CADPS: variants seen among roughly 807,000 people sequenced by gnomAD.
CADPS encodes the protein calcium-dependent secretion activator 1.
In CADPS, 57 loss-of-function variants were observed where a neutral mutation model predicts 167.3. The observed-to-expected ratio is 0.34, with a 90% CI of 0.28 to 0.42. The LOEUF is 0.42. Ranked by LOEUF, CADPS falls within the 20% of genes least tolerant of loss-of-function variation. The pLI is 1.00. For missense variants in CADPS, 1,414 were observed against 1,738.1 expected (o/e 0.81, Z 3.32); for synonymous variants, 676 against 635.3 (o/e 1.06, Z -0.96).
At chr3:62,821,199 T>A (rs1459920966) in intron 1 of CADPS, among the ~76,000 whole-genome samples, 1 of 152,168 alleles carries the variant, frequency 6.6e-6, no homozygotes, top group Admixed American at 6.5e-5. Flanking sequence ...TATTGTTACA[T>A]AACAAATAGC....
intron 6 of CADPS, among the ~76,000 whole-genome samples, chr3:62,632,121 T>C (rs376765542): frequency 1.3e-4 from 20 of 152,294 alleles, no homozygotes; most frequent in East Asian, 9.7e-4. Flanking sequence ...AAAGGAACAA[T>C]CATATATGAG....
At chr3:62,503,135 T>G (rs145461997) in intron 17 of CADPS, among the ~76,000 whole-genome samples, 1 of 150,970 alleles carries the variant, frequency 6.6e-6, no homozygotes, top group East Asian at 2.0e-4. Context: ...ACATGAATGA[T>G]GGCAGCAGCA....
Position 62,874,862 on chromosome 3 carries a change from TCCGGCG to T in CADPS, c.162_167del (p.Ala57_Gly58del), listed in dbSNP as rs1429458535. ...CGCCGCCGCCTGCACCCACCCCGGC[TCCGGCG>T]CCGGCGCCGCCGCCCCCCAGCCCGG... On this transcript the variant is annotated inframe_deletion, in exon 1 of 30. Coordinates refer to ENST00000383710, the MANE Select transcript of CADPS (RefSeq NM_003716.4). The surrounding 1 kb of genome is among the most constrained non-coding windows in gnomAD (Gnocchi z 7.1). 15 of 1,099,034 alleles carry T rather than the reference TCCGGCG, an allele frequency of 1.4e-5. No individual in the cohort carries two copies. Among genetic ancestry groups the T allele is most frequent in the African/African-American group, 1.7e-5 (1 of 58,898 alleles). The allele number at this position is 1,099,034 out of a possible 1,614,324, so 68.1% of individuals were successfully genotyped here.
At chr3:62,591,250 A>G (rs112942107) in intron 7 of CADPS, among the ~76,000 whole-genome samples, 4,164 of 152,292 alleles carry the variant, frequency 0.027, 192 homozygotes, top group African/African-American at 0.095. Flanking sequence ...GAGATTTTAC[A>G]GTCCAGTGGG....
intron 21 of CADPS, among the ~76,000 whole-genome samples, chr3:62,488,364 C>A (rs1405230318): frequency 1.3e-5 from 2 of 152,176 alleles, no homozygotes; most frequent in African/African-American, 4.8e-5. Flanking sequence ...TTTTACACTC[C>A]ATTTTATTCC....
At chr3:62,408,956 TACACCCA>T (rs2048421131) in intron 28 of CADPS, among the ~76,000 whole-genome samples, 8 of 152,262 alleles carry the variant, frequency 5.3e-5, no homozygotes, top group Non-Finnish European at 1.2e-4. Flanking sequence ...ATTCCTAATA[TACACCCA>T]TATGCACTCA....
intron 1 of CADPS, among the ~76,000 whole-genome samples, chr3:62,769,459 T>C (rs1436267441): frequency 1.3e-5 from 2 of 152,256 alleles, no homozygotes; most frequent in East Asian, 3.9e-4. Flanking sequence ...CTCGAACTCC[T>C]GACTTCAGGT....
At chr3:62,648,659 T>G (rs2069164551) in intron 5 of CADPS, among the ~76,000 whole-genome samples, 1 of 105,146 alleles carries the variant, frequency 9.5e-6, no homozygotes, top group Non-Finnish European at 1.8e-5. Context: ...ACCACTGCAC[T>G]CTAGCCTGGG....
intron 12 of CADPS, among the ~76,000 whole-genome samples, chr3:62,534,192 C>T (rs1373075529): frequency 6.6e-6 from 1 of 152,138 alleles, no homozygotes; most frequent in East Asian, 1.9e-4. Context: ...AAATTTGGGG[C>T]TATTTTAAAT....
chr3:62,591,236 C>T (rs759760839), intron 7 of CADPS, among the ~76,000 whole-genome samples: 7 of 152,060 alleles, frequency 4.6e-5, no homozygotes, highest in East Asian at 3.9e-4. Context: ...TTTCTGTCTC[C>T]GTGGAGATTT....
chr3:62,787,945 G>C (rs2092612536), intron 1 of CADPS, among the ~76,000 whole-genome samples: 1 of 152,130 alleles, frequency 6.6e-6, no homozygotes, highest in South Asian at 2.1e-4. Flanking sequence ...ATGAAATCAA[G>C]CTGTCTAGTC....
At position 62,399,709 on chromosome 3, in the gene CADPS, T is replaced by A; in HGVS notation, c.3883-124A>T. Reference sequence around the variant, plus strand: ...GCTAAATATCACACTTTATGCATTGTCAAATAAAAAGCCACTGTGCTTAGA... The same window carrying A: ...GCTAAATATCACACTTTATGCATTGACAAATAAAAAGCCACTGTGCTTAGA... On this transcript the variant is annotated intron_variant, in intron 29 of 29. Coordinates refer to ENST00000383710, the MANE Select transcript of CADPS (RefSeq NM_003716.4). This position sits in a 1 kb window ranked among gnomAD's most constrained non-coding sequence, Gnocchi z 5.6. The A allele has an allele frequency of 2.8e-6, 2 of 708,398 alleles. No individual in the cohort carries two copies. Among genetic ancestry groups the A allele is most frequent in the Non-Finnish European group, 2.4e-6 (1 of 422,942 alleles). 43.9% of individuals were successfully genotyped at this position (708,398 alleles called of 1,614,324 possible).
At chr3:62,621,168 C>T (rs2063110416) in intron 6 of CADPS, among the ~76,000 whole-genome samples, 1 of 152,192 alleles carries the variant, frequency 6.6e-6, no homozygotes, top group African/African-American at 2.4e-5. Context: ...CCGCAGATTG[C>T]TCTGTGAAGT....
chr3:62,778,187 AT>A (rs2090775181), intron 1 of CADPS, among the ~76,000 whole-genome samples: 1 of 152,178 alleles, frequency 6.6e-6, no homozygotes, highest in Non-Finnish European at 1.5e-5. Context: ...TGGACAAACT[AT>A]ATATTTCACG....
chr3:62,826,016 T>C (rs769067152), intron 1 of CADPS, among the ~76,000 whole-genome samples: 3 of 152,182 alleles, frequency 2.0e-5, no homozygotes, highest in Non-Finnish European at 4.4e-5. Context: ...GCACAGGCCA[T>C]GGACTTATAA....
At chr3:62,665,546 G>A (rs909968626) in intron 3 of CADPS, among the ~76,000 whole-genome samples, 4 of 152,148 alleles carry the variant, frequency 2.6e-5, no homozygotes, top group Non-Finnish European at 4.4e-5. Flanking sequence ...TAAGTGCCTT[G>A]TTTGGTTTTC....
chr3:62,404,625 G>A (rs1475033928), intron 28 of CADPS: 1 of 152,076 alleles, frequency 6.6e-6, no homozygotes, highest in African/African-American at 2.4e-5. Flanking sequence ...TCTCCTTGGA[G>A]CCCAGCCGCA....
At position 62,640,922 on chromosome 3, in the gene CADPS, T is replaced by C. The variant is rs911784476; in HGVS notation, c.1325+4800A>G. ...ATATATTTTCTACTCAGGGAATATG[T>C]CAGGTTTCTTTACATCATTTTTTTT... On this transcript the variant is annotated intron_variant, in intron 6 of 29. Coordinates refer to ENST00000383710, the MANE Select transcript of CADPS (RefSeq NM_003716.4). Among the ~76,000 whole-genome samples, 4 of 151,890 alleles carry C rather than the reference T, an allele frequency of 2.6e-5. No individual in the cohort carries two copies. In the South Asian group the frequency reaches 8.3e-4, roughly 32 times the overall value.
intron 6 of CADPS, among the ~76,000 whole-genome samples, chr3:62,599,886 T>G (rs1295751978): frequency 1.2e-5 from 1 of 80,328 alleles, no homozygotes; most frequent in Non-Finnish European, 2.2e-5. Context: ...ATAATATATA[T>G]ATATTATATA....
Sources: allele counts gnomAD v4.1 joint callset (sites outside exome capture counted in the v4.1 genomes callset), GRCh38; gene constraint gnomAD v4.1.1; non-coding constraint Gnocchi (gnomAD v3.1); transcripts MANE v1.5; gene names NCBI Gene and HGNC (gene_info 2026-07-23, HGNC 2026-07-21).